Variants in OR2Z1 observed in about 807,000 individuals in gnomAD.
The protein encoded by OR2Z1 is olfactory receptor 2Z1.
For missense variants in OR2Z1, 449 were observed against 401.8 expected, an observed-to-expected ratio of 1.12 and a Z score of -1.00; for synonymous variants, 188 against 160.6, an observed-to-expected ratio of 1.17 and a Z score of -1.29.
chr19:8,723,794 C>T (rs1328817401), intron 2 of OR2Z1, among the ~76,000 whole-genome samples: 1 of 152,116 alleles, frequency 6.6e-6, no homozygotes, highest in Non-Finnish European at 1.5e-5. Context: ...AAGCCTTCCC[C>T]ACCATCCCAA....
At chr19:8,727,903 C>G (rs1555756333) in intron 2 of OR2Z1, among the ~76,000 whole-genome samples, 3 of 152,164 alleles carry the variant, frequency 2.0e-5, no homozygotes. Flanking sequence ...AAAGAAAACA[C>G]CTCAATTGGG....
At chr19:8,727,862 GTC>G (rs1321678903) in intron 2 of OR2Z1, among the ~76,000 whole-genome samples, 3 of 152,204 alleles carry the variant, frequency 2.0e-5, no homozygotes, top group African/African-American at 4.8e-5. Flanking sequence ...GCAAGACTCT[GTC>G]TCAACCAAAA....
rs782198166 is a variant in OR2Z1, at chr19:8,731,714, G to A, written c.686G>A (p.Arg229His). The stretch of plus-strand genomic sequence containing the variant: ...GTGTTGCAGGCTGTTCTAAGCATGC[G>A]CTCAGAGGAGGCCAGACACAAGGCT... Reference protein sequence around the residue: ...GHVLQAVLSMRSEEARHKAVT... With the variant: ...GHVLQAVLSMHSEEARHKAVT... Residue 229 changes from arginine (R) to histidine (H), a missense_variant, in exon 3 of 3, where the codon CGC becomes CAC. By Grantham distance (29) the Arg-to-His change is conservative. Coordinates refer to ENST00000641125, the MANE Select transcript of OR2Z1 (RefSeq NM_001004699.3). 6.2e-7 allele frequency: 1 copy of A among 1,613,996 alleles called. No homozygotes were observed. The highest frequency in any genetic ancestry group is 8.5e-7 in the Non-Finnish European group (1 of 1,179,914).
chr19:8,731,037 TGTGAATCA>T lies in OR2Z1; in HGVS notation c.12_19del (p.Asn5GlyfsTer63). 1 of 1,613,934 alleles carries T rather than the reference TGTGAATCA, an allele frequency of 6.2e-7. No homozygotes were observed. ...AGTGCATTGTGTAAAACATGGGGGA[TGTGAATCA>T]GTCGGTGGCCTCAGACTTCATTCTG... is the stretch of plus-strand genomic sequence containing the variant. On this transcript the variant is annotated frameshift_variant, in exon 3 of 3. Transcript: ENST00000641125. LOFTEE classifies it low-confidence loss of function (END_TRUNC).
intron 2 of OR2Z1, among the ~76,000 whole-genome samples, chr19:8,727,008 G>A (rs1380461514): frequency 6.6e-5 from 10 of 151,998 alleles, no homozygotes; most frequent in African/African-American, 2.4e-4. Context: ...GAAGTACAAT[G>A]GGGTGATCAT....
intron 2 of OR2Z1, among the ~76,000 whole-genome samples, chr19:8,728,197 C>T (rs1019780244): frequency 2.0e-4 from 30 of 152,216 alleles, no homozygotes; most frequent in African/African-American, 7.0e-4. Context: ...GTTGTGGGCA[C>T]TGCATGGTCT....
At chr19:8,726,771 A>C (rs1430510561) in intron 2 of OR2Z1, among the ~76,000 whole-genome samples, 1 of 152,202 alleles carries the variant, frequency 6.6e-6, no homozygotes, top group African/African-American at 2.4e-5. Context: ...GTATAACTAA[A>C]GACAGCCTTG....
Position 8,731,684 on chromosome 19 carries a change from G to C in OR2Z1, c.656G>C (p.Gly219Ala). 1 of 1,613,974 alleles carries C rather than the reference G, an allele frequency of 6.2e-7. No homozygotes were observed. Among genetic ancestry groups the C allele is most frequent in the Non-Finnish European group, 8.5e-7 (1 of 1,180,008 alleles). ...LPLSLIATSY[G>A]HVLQAVLSMR... The stretch of plus-strand genomic sequence containing the variant: ...CTTTCCCTCATCGCCACCTCCTACG[G>C]CCACGTGTTGCAGGCTGTTCTAAGC... The change falls in exon 3 of 3, where the codon GGC becomes GCC. Residue 219 changes from glycine (G) to alanine (A), a missense_variant. By Grantham distance (60) the Gly-to-Ala change is moderately conservative (BLOSUM62 0). Coordinates refer to ENST00000641125, the MANE Select transcript of OR2Z1 (RefSeq NM_001004699.3).
chr19:8,729,623 T>C (rs1366142021), intron 2 of OR2Z1, among the ~76,000 whole-genome samples: 1 of 151,466 alleles, frequency 6.6e-6, no homozygotes, highest in Non-Finnish European at 1.5e-5. Context: ...GGAGTTTTGC[T>C]CTTGTTGCCC....
rs200115276 is a variant in OR2Z1, at chr19:8,732,003, C to G, written c.*30C>G. ...ATAGAAACTGCTGGTGAGATTCCAG[C>G]GGTCCTCGATCCCACCCACCTTCCC... On this transcript the variant is annotated 3_prime_UTR_variant, in exon 3 of 3. Transcript: ENST00000641125. The G allele has an allele frequency of 1.6e-5, 24 of 1,536,964 alleles. No individual in the cohort carries two copies. The South Asian group carries it at 2.2e-4, about 14-fold the overall frequency.
At chr19:8,722,605 C>T (rs573208783) in intron 1 of OR2Z1, among the ~76,000 whole-genome samples, 7 of 152,110 alleles carry the variant, frequency 4.6e-5, no homozygotes, top group Non-Finnish European at 8.8e-5. Flanking sequence ...ATGTTCCAGC[C>T]CAGATTAGAG....
chr19:8,729,315 C>T, intron 2 of OR2Z1: 1 of 481,172 alleles, frequency 2.1e-6, no homozygotes, highest in Non-Finnish European at 3.7e-6. Context: ...TTAGCTTCCA[C>T]TGATAAGTGA....
At chr19:8,729,399 T>G (rs1555756476) in intron 2 of OR2Z1, among the ~76,000 whole-genome samples, 1 of 146,452 alleles carries the variant, frequency 6.8e-6, no homozygotes, top group Non-Finnish European at 1.5e-5. Context: ...TCCATGTCAC[T>G]GCAATGAACA....
chr19:8,727,223 C>T lies in OR2Z1; in HGVS notation c.-169-3637C>T, dbSNP rs200344754. On this transcript the variant is annotated intron_variant, in intron 2 of 2. Coordinates refer to ENST00000641125, the MANE Select transcript of OR2Z1 (RefSeq NM_001004699.3). ...CCTCCCAAAGTGCTGGGATTACAGA[C>T]GTGAGTCAGTGCAGCCGGCCTCCAT... 6.0e-4 allele frequency among the ~76,000 whole-genome samples: 92 copies of T among 152,244 alleles called. 2 individuals carry two copies. The East Asian group carries it at 9.4e-3, about 16-fold the overall frequency.
Position 8,731,198 on chromosome 19 carries a change from C to T in OR2Z1, c.170C>T (p.Thr57Ile), listed in dbSNP as rs1332452382. The T allele has an allele frequency of 3.1e-6, 5 of 1,613,966 alleles. No homozygotes were observed. The highest frequency in any genetic ancestry group is 1.1e-5 in the South Asian group (1 of 91,070). Residue 57 changes from threonine (T) to isoleucine (I), a missense_variant, in exon 3 of 3, where the codon ACA (threonine) becomes ATA (isoleucine). Thr to Ile is a moderately conservative substitution (Grantham distance 89). Transcript: ENST00000641125. Reference sequence around the variant, plus strand: ...ATCCGTGTGGACTCCCGGCTCCACACACCCATGTACTTCCTGCTCAGCCAG... The same window carrying T: ...ATCCGTGTGGACTCCCGGCTCCACATACCCATGTACTTCCTGCTCAGCCAG... Reference protein sequence around the residue: ...FLIRVDSRLHTPMYFLLSQLS... With the variant: ...FLIRVDSRLHIPMYFLLSQLS...
chr19:8,725,071 C>T (rs977133113), intron 2 of OR2Z1, among the ~76,000 whole-genome samples: 6 of 152,254 alleles, frequency 3.9e-5, no homozygotes, highest in African/African-American at 4.8e-5. Flanking sequence ...GATCCCATCC[C>T]AGGCAGAGTT....
intron 2 of OR2Z1, among the ~76,000 whole-genome samples, chr19:8,725,380 T>G (rs2043323290): frequency 6.6e-6 from 1 of 152,104 alleles, no homozygotes; most frequent in Admixed American, 6.5e-5. Flanking sequence ...GTAGCTGGGA[T>G]TACAGGTGCC....
chr19:8,728,772 T>G, intron 2 of OR2Z1: 2 of 612,104 alleles, frequency 3.3e-6, no homozygotes, highest in Non-Finnish European at 3.1e-6. Context: ...ATCCAAAGCA[T>G]CATAATCAGG....
intron 2 of OR2Z1, among the ~76,000 whole-genome samples, chr19:8,728,095 T>C (rs554880159): frequency 1.4e-4 from 22 of 152,346 alleles, no homozygotes; most frequent in African/African-American, 4.8e-4. Flanking sequence ...ACTCCTGTCC[T>C]CTTTGCTTTT....
Sources: gnomAD v4.1 joint callset for allele counts (sites outside exome capture counted in the v4.1 genomes callset) on GRCh38, gnomAD v4.1.1 for gene constraint, MANE v1.5 for transcripts, NCBI Gene and HGNC (gene_info 2026-07-23, HGNC 2026-07-21) for gene names.